Variants in COP1 observed in about 807,000 individuals in gnomAD.
COP1 encodes E3 ubiquitin-protein ligase COP1.
Under a neutral mutation model 101.3 loss-of-function variants are expected in COP1, and 24 were observed. The ratio of observed to expected loss-of-function variants is 0.24; its 90% CI spans 0.17 to 0.33. The LOEUF is 0.33. COP1 is among the 10% of genes least tolerant of loss of function. The pLI is 1.00. For missense variants in COP1, 663 were observed against 906.2 expected, an observed-to-expected ratio of 0.73 and a Z score of 3.45; for synonymous variants, 347 against 341.9, an observed-to-expected ratio of 1.01 and a Z score of -0.17.
chr1:176,041,937 C>T (rs1450793685), intron 14 of COP1, among the ~76,000 whole-genome samples: 1 of 152,042 alleles, frequency 6.6e-6, no homozygotes, highest in African/African-American at 2.4e-5. Flanking sequence ...TATGGTAAAA[C>T]CCTATCTCTA....
At chr1:176,041,547 C>T (rs187343146) in intron 14 of COP1, among the ~76,000 whole-genome samples, 1 of 152,202 alleles carries the variant, frequency 6.6e-6, no homozygotes, top group Admixed American at 6.5e-5. Flanking sequence ...CAGGGTTTCA[C>T]CACATTGGCC....
At chr1:175,980,179 G>T (rs986437054) in intron 18 of COP1, among the ~76,000 whole-genome samples, 1 of 148,044 alleles carries the variant, frequency 6.8e-6, no homozygotes, top group African/African-American at 2.5e-5. Context: ...CTGATCAGTG[G>T]GGAATCTGAG....
intron 15 of COP1, among the ~76,000 whole-genome samples, chr1:176,001,555 A>T (rs1039105040): frequency 1.3e-4 from 20 of 152,286 alleles, no homozygotes; most frequent in African/African-American, 4.6e-4. Flanking sequence ...ATCTCAGGGT[A>T]AACAACTGCA....
Position 176,135,052 on chromosome 1 carries a change from TC to T in COP1, c.925del (p.Asp309IlefsTer45). On this transcript the variant is annotated frameshift_variant, in exon 8 of 20. Coordinates refer to ENST00000367669, the MANE Select transcript of COP1 (RefSeq NM_022457.7). LOFTEE classifies it high-confidence loss of function. ...AGCTTCAAATTGAGGCACTGTGCTA[TC>T]CTCACTGACAGGAGAGTATAAGCCA... ...MSGLYSPVSEDSTVPQFEAPS... is the reference protein window; with the variant it reads ...MSGLYSPVSEXSTVPQFEAPS... 6.2e-7 allele frequency: 1 copy of T among 1,611,114 alleles called. No homozygotes were observed. Among genetic ancestry groups the T allele is most frequent in the Non-Finnish European group, 8.5e-7 (1 of 1,177,760 alleles).
At chr1:175,964,813 T>A (rs1279663804) in intron 18 of COP1, among the ~76,000 whole-genome samples, 1 of 152,146 alleles carries the variant, frequency 6.6e-6, no homozygotes, top group African/African-American at 2.4e-5. Context: ...ATATAAAGAA[T>A]AAAAATTTGA....
At chr1:175,998,595 AT>A (rs1660861566) in intron 15 of COP1, among the ~76,000 whole-genome samples, 1 of 152,098 alleles carries the variant, frequency 6.6e-6, no homozygotes, top group Non-Finnish European at 1.5e-5. Flanking sequence ...TGTATATAGC[AT>A]TTCAGGACTT....
rs1486349814 is a variant in COP1, at chr1:176,046,199, G to A, written c.1403C>T (p.Thr468Ile). The part of the protein sequence containing the change: ...VDIHYPENEM[T>I]CNSKISCISW... Reference sequence around the variant, plus strand: ...TAAATACCTGATTTTCGAATTGCAGGTCATTTCATTCTCAGGGTAATGAAT... The same window carrying A: ...TAAATACCTGATTTTCGAATTGCAGATCATTTCATTCTCAGGGTAATGAAT... Residue 468 changes from threonine (T) to isoleucine (I), a missense_variant, in exon 12 of 20, where the codon ACC becomes ATC. By Grantham distance (89) the Thr-to-Ile change is moderately conservative. Around this residue, in one of 4 missense-constraint regions of COP1, gnomAD observed 209 missense variants for 383.3 expected, o/e 0.55. Coordinates refer to ENST00000367669, the MANE Select transcript of COP1 (RefSeq NM_022457.7). 1.9e-6 allele frequency: 3 copies of A among 1,603,528 alleles called. No homozygotes were observed. The highest frequency in any genetic ancestry group is 2.5e-6 in the Non-Finnish European group (3 of 1,177,108).
intron 6 of COP1, among the ~76,000 whole-genome samples, chr1:176,147,832 A>C (rs1691797621): frequency 6.6e-6 from 1 of 152,252 alleles, no homozygotes; most frequent in Non-Finnish European, 1.5e-5. Context: ...TTATCTCTCC[A>C]GAAATGCAGA....
chr1:175,978,872 GT>G (rs1194171366), intron 18 of COP1, among the ~76,000 whole-genome samples: 1 of 152,168 alleles, frequency 6.6e-6, no homozygotes, highest in Non-Finnish European at 1.5e-5. Context: ...ACCTTTATAA[GT>G]GTGGAAAGTT....
Position 175,951,460 on chromosome 1 carries a change from A to ATATATATATATATG in COP1, c.2134-4222_2134-4221insCATATATATATATA, listed in dbSNP as rs1649901251. 5.5e-5 allele frequency among the ~76,000 whole-genome samples: 3 copies of ATATATATATATATG among 54,688 alleles called. No homozygotes were observed. In the South Asian group the frequency reaches 1.5e-3, roughly 27 times the overall value. The allele number at this position is 54,688 out of a possible 152,430, so 35.9% of individuals were successfully genotyped here. A position where few individuals can be genotyped will look rare whatever the true frequency, so the allele number is the denominator to read the frequency against. ...TGAATATATATATATATATATATAT[A>ATATATATATATATG]TAAAAACTTCCATTTTTGGCCATAA... On this transcript the variant is annotated intron_variant, in intron 18 of 19. Transcript: ENST00000367669.
intron 9 of COP1, among the ~76,000 whole-genome samples, chr1:176,108,481 T>G (rs1184408616): frequency 6.6e-6 from 1 of 152,168 alleles, no homozygotes; most frequent in Non-Finnish European, 1.5e-5. Flanking sequence ...ATCAAACTAT[T>G]TTAGCATTGA....
At chr1:175,979,733 T>C (rs548307113) in intron 18 of COP1, among the ~76,000 whole-genome samples, 4 of 152,268 alleles carry the variant, frequency 2.6e-5, no homozygotes, top group African/African-American at 4.8e-5. Context: ...GAATGGTTCA[T>C]GTCAGCAAAA....
rs1558149390 is a variant in COP1, at chr1:175,944,978, G to A, written c.*175C>T. 3 of 604,596 alleles carry A rather than the reference G, an allele frequency of 5.0e-6. No individual in the cohort carries two copies. The highest frequency in any genetic ancestry group is 5.8e-6 in the Non-Finnish European group (2 of 344,616). The allele number at this position is 604,596 out of a possible 1,614,324, so 37.5% of individuals were successfully genotyped here. ...GGAGAGTTGGCTGGGTATTCCCAAT[G>A]TCCCAAAGGTCATAAAGGAGGGAAA... On this transcript the variant is annotated 3_prime_UTR_variant, in exon 20 of 20. Coordinates refer to ENST00000367669, the MANE Select transcript of COP1 (RefSeq NM_022457.7).
Position 176,101,670 on chromosome 1 carries a change from G to A in COP1, c.1026+14954C>T, listed in dbSNP as rs1310455994. The stretch of plus-strand genomic sequence containing the variant: ...CCTGCACTAACTAGTAAAAGGTCTC[G>A]AGATTTTTTAGCTGTCCTCACACCC... On this transcript the variant is annotated intron_variant, in intron 9 of 19. Coordinates refer to ENST00000367669, the MANE Select transcript of COP1 (RefSeq NM_022457.7). Among the ~76,000 whole-genome samples, 4 of 152,120 alleles carry A rather than the reference G, an allele frequency of 2.6e-5. No individual in the cohort carries two copies. In the East Asian group the frequency reaches 5.8e-4, roughly 22 times the overall value.
intron 11 of COP1, among the ~76,000 whole-genome samples, chr1:176,063,233 T>G (rs1675297460): frequency 6.6e-6 from 1 of 151,644 alleles, no homozygotes; most frequent in African/African-American, 2.4e-5. Context: ...CTAATTTTTT[T>G]GTATTTTTAG....
At chr1:176,000,109 C>T (rs562941454) in intron 15 of COP1, among the ~76,000 whole-genome samples, 1 of 152,104 alleles carries the variant, frequency 6.6e-6, no homozygotes, top group East Asian at 1.9e-4. Context: ...AGCTTTTTAA[C>T]TTGATATGAT....
chr1:176,088,443 G>A (rs1295217842), intron 9 of COP1, among the ~76,000 whole-genome samples: 1 of 152,104 alleles, frequency 6.6e-6, no homozygotes, highest in Non-Finnish European at 1.5e-5. Context: ...GAATTTGAAA[G>A]GAGCATAAGG....
At chr1:176,206,152 C>T (rs924619594) in intron 1 of COP1, among the ~76,000 whole-genome samples, 2 of 152,132 alleles carry the variant, frequency 1.3e-5, no homozygotes, top group African/African-American at 4.8e-5. Flanking sequence ...GAAGCTTAGT[C>T]CTCTCCATTT....
intron 15 of COP1, among the ~76,000 whole-genome samples, chr1:176,019,594 C>G (rs1156738855): frequency 6.6e-6 from 1 of 150,422 alleles, no homozygotes; most frequent in Non-Finnish European, 1.5e-5. Context: ...GGCACGGTGG[C>G]TCACACCTGC....
Sources: allele counts gnomAD v4.1 joint callset (sites outside exome capture counted in the v4.1 genomes callset), GRCh38; gene constraint gnomAD v4.1.1; regional missense constraint gnomAD v4.1.1; transcripts MANE v1.5; gene names NCBI Gene and HGNC (gene_info 2026-07-23, HGNC 2026-07-21).